AGBL4: variants seen among roughly 807,000 people sequenced by gnomAD.
AGBL4 encodes AGBL carboxypeptidase 4, also known as cytosolic carboxypeptidase 6.
AGBL4 carries 58 observed loss-of-function variants against 66.4 expected under a neutral mutation model. The ratio of observed to expected loss-of-function variants is 0.87; its 90% confidence interval spans 0.71 to 1.09. The LOEUF (loss-of-function observed/expected upper bound fraction) is 1.09. Ranked by LOEUF, AGBL4 falls within the 50% of genes least tolerant of loss-of-function variation. The pLI, the probability that AGBL4 is intolerant of heterozygous loss-of-function variation, is 0.00. For missense variants in AGBL4, 579 were observed against 631.0 expected (o/e 0.92, Z 0.88); for synonymous variants, 234 against 222.9 (o/e 1.05, Z -0.44).
At position 49,282,689 on chromosome 1, in the gene AGBL4, C is replaced by T. The variant is rs561611694; in HGVS notation, c.283-36825G>A. 1.1e-3 allele frequency among the ~76,000 whole-genome samples: 174 copies of T among 152,268 alleles called. 1 individual carries two copies. Among genetic ancestry groups the T allele is most frequent in the African/African-American group, 3.8e-3 (159 of 41,560 alleles). ...GCACCGTGCGCGAGCCAAAGCAGGG[C>T]GAGGCATTGCCTCACTTGGGAAGCG... On this transcript the variant is annotated intron_variant, in intron 3 of 13. Transcript: ENST00000371839.
intron 9 of AGBL4, among the ~76,000 whole-genome samples, chr1:48,612,671 T>A (rs950046416): frequency 7.2e-5 from 11 of 152,352 alleles, no homozygotes; most frequent in Admixed American, 5.9e-4. Context: ...AATAGATGGC[T>A]AAATAAAAGT....
intron 7 of AGBL4, among the ~76,000 whole-genome samples, chr1:48,660,856 A>G (rs1002543017): frequency 6.6e-6 from 1 of 152,186 alleles, no homozygotes; most frequent in Admixed American, 6.5e-5. Context: ...TCTTTCAGGT[A>G]TAAGACTTCA....
intron 6 of AGBL4, among the ~76,000 whole-genome samples, chr1:48,806,122 T>C (rs1645917836): frequency 6.6e-6 from 1 of 152,178 alleles, no homozygotes; most frequent in Non-Finnish European, 1.5e-5. Flanking sequence ...AGGTATGAGA[T>C]TAGGTTCTGA....
Position 48,736,268 on chromosome 1 carries a change from A to T in AGBL4, c.635-73027T>A, listed in dbSNP as rs1557922721. On this transcript the variant is annotated intron_variant, in intron 6 of 13. Transcript: ENST00000371839. This position sits in a 1 kb window ranked among gnomAD's most constrained non-coding sequence, Gnocchi z 4.0. The stretch of plus-strand genomic sequence containing the variant: ...GACGATGCTTAGTTTGTGAGGCGAG[A>T]GGGGTGGTTTAGGGACTGCATCTTT... 2 of 1,614,074 alleles carry T rather than the reference A, an allele frequency of 1.2e-6. No homozygotes were observed. Among genetic ancestry groups the T allele is most frequent in the Non-Finnish European group, 1.7e-6 (2 of 1,179,980 alleles).
chr1:48,754,793 A>G (rs975180293), intron 6 of AGBL4, among the ~76,000 whole-genome samples: 3 of 152,120 alleles, frequency 2.0e-5, no homozygotes, highest in African/African-American at 7.2e-5. Flanking sequence ...CTTTGTGGGG[A>G]GTAAAGGGGA....
At position 48,659,909 on chromosome 1, in the gene AGBL4, A is replaced by G. The variant is rs148533234; in HGVS notation, c.724+3243T>C. ...ATGAACTGTGTCAGTCTTCACAACA[A>G]CGCTGTGAGGCAGGATTTCTATTAT... On this transcript the variant is annotated intron_variant, in intron 7 of 13. Coordinates refer to ENST00000371839, the MANE Select transcript of AGBL4 (RefSeq NM_032785.4). Among the ~76,000 whole-genome samples, 582 of 152,348 alleles carry G rather than the reference A, an allele frequency of 3.8e-3. 3 individuals carry two copies. The highest frequency in any genetic ancestry group is 0.014 in the Middle Eastern group (4 of 294).
chr1:48,844,766 GT>G (rs1646875295), intron 6 of AGBL4, among the ~76,000 whole-genome samples: 1 of 152,166 alleles, frequency 6.6e-6, no homozygotes, highest in South Asian at 2.1e-4. Flanking sequence ...TAAGTCAACA[GT>G]GACCCTTATC....
At chr1:48,764,727 C>A (rs576494674) in intron 6 of AGBL4, among the ~76,000 whole-genome samples, 1 of 152,330 alleles carries the variant, frequency 6.6e-6, no homozygotes, top group Admixed American at 6.5e-5. Context: ...TGCTACCTCA[C>A]TGAGCATAAT....
intron 8 of AGBL4, among the ~76,000 whole-genome samples, chr1:48,642,241 A>G (rs954393402): frequency 1.3e-5 from 2 of 152,198 alleles, no homozygotes; most frequent in Non-Finnish European, 2.9e-5. Flanking sequence ...TCCAAGGTTC[A>G]TTCAGCAAGG....
intron 3 of AGBL4, among the ~76,000 whole-genome samples, chr1:49,553,378 G>A (rs533067689): frequency 6.6e-6 from 1 of 152,200 alleles, no homozygotes; most frequent in Non-Finnish European, 1.5e-5. Context: ...CATGGTGGAT[G>A]AGACCATTCT....
chr1:49,197,490 TC>T (rs745766490), intron 4 of AGBL4, among the ~76,000 whole-genome samples: 1 of 152,124 alleles, frequency 6.6e-6, no homozygotes, highest in African/African-American at 2.4e-5. Context: ...TTATGCTAAA[TC>T]CCCGTTAACC....
intron 1 of AGBL4, among the ~76,000 whole-genome samples, chr1:49,879,789 CA>C: frequency 3.2e-5 from 1 of 31,434 alleles, no homozygotes; most frequent in East Asian, 3.8e-4. Context: ...GCGTCACTTT[CA>C]GGTACACCAA....
chr1:49,655,252 T>C (rs1474255528), intron 3 of AGBL4, among the ~76,000 whole-genome samples: 3 of 152,202 alleles, frequency 2.0e-5, no homozygotes, highest in Non-Finnish European at 2.9e-5. Flanking sequence ...TTTAAGAATG[T>C]TGAATATTAG....
At chr1:48,560,293 A>G (rs1644378196) in intron 11 of AGBL4, among the ~76,000 whole-genome samples, 1 of 152,164 alleles carries the variant, frequency 6.6e-6, no homozygotes, top group African/African-American at 2.4e-5. Flanking sequence ...TCAGGTTCAA[A>G]CTAGTACTTG....
At chr1:49,326,330 AAGG>A (rs1490423900) in intron 3 of AGBL4, among the ~76,000 whole-genome samples, 2 of 152,198 alleles carry the variant, frequency 1.3e-5, no homozygotes, top group African/African-American at 4.8e-5. Context: ...TTTCTATTGA[AAGG>A]TCATACCTAT....
chr1:49,901,040 A>C (rs1649717749), intron 1 of AGBL4, among the ~76,000 whole-genome samples: 2 of 152,326 alleles, frequency 1.3e-5, no homozygotes, highest in Middle Eastern at 3.4e-3. Flanking sequence ...TTCTTTTAAC[A>C]CAGTTAAGCA....
At chr1:49,420,544 C>A (rs1052474241) in intron 3 of AGBL4, among the ~76,000 whole-genome samples, 1 of 151,768 alleles carries the variant, frequency 6.6e-6, no homozygotes, top group Admixed American at 6.6e-5. Context: ...ACTAAAAATA[C>A]AAAAAAATTA....
At chr1:49,956,724 C>T (rs1312542232) in intron 1 of AGBL4, among the ~76,000 whole-genome samples, 1 of 151,838 alleles carries the variant, frequency 6.6e-6, no homozygotes, top group Non-Finnish European at 1.5e-5. Context: ...CATGGAGCCC[C>T]AGAGTTTGGA....
intron 4 of AGBL4, among the ~76,000 whole-genome samples, chr1:49,070,966 T>A (rs1644591777): frequency 6.6e-6 from 1 of 151,944 alleles, no homozygotes; most frequent in Non-Finnish European, 1.5e-5. Context: ...CCTGGTTTAG[T>A]CTTGGGAGGG....
Sources: gnomAD v4.1 joint callset for allele counts (sites outside exome capture counted in the v4.1 genomes callset) on GRCh38, gnomAD v4.1.1 for gene constraint, Gnocchi (gnomAD v3.1) non-coding constraint, MANE v1.5 for transcripts, NCBI Gene and HGNC (gene_info 2026-07-23, HGNC 2026-07-21) for gene names.